Variants in NCEH1 observed in about 807,000 individuals in gnomAD.
NCEH1 encodes 2-acetyl MAGE hydrolase.
A neutral mutation model predicts 25.4 loss-of-function variants in NCEH1; 9 were observed. The ratio of observed to expected loss-of-function variants is 0.35; its 90% CI spans 0.21 to 0.62. NCEH1 has a LOEUF of 0.62. NCEH1 is among the 20% of genes least tolerant of loss of function. The pLI is 0.72. For missense variants in NCEH1, 412 were observed against 501.1 expected, an observed-to-expected ratio of 0.82 and a Z score of 1.70; for synonymous variants, 200 against 199.8, an observed-to-expected ratio of 1.00 and a Z score of -0.01.
At chr3:172,701,620 T>G (rs1459865445) in intron 1 of NCEH1, among the ~76,000 whole-genome samples, 43 of 83,484 alleles carry the variant, frequency 5.2e-4, no homozygotes, top group African/African-American at 2.0e-3. Context: ...CAGCTAGTTT[T>G]TTTTTTTTTT....
intron 1 of NCEH1, among the ~76,000 whole-genome samples, chr3:172,684,240 C>T (rs1268110825): frequency 6.6e-6 from 1 of 152,130 alleles, no homozygotes; most frequent in Non-Finnish European, 1.5e-5. Flanking sequence ...AAGGAATGTC[C>T]GTAATCACTT....
chr3:172,656,414 T>C (rs1042022113), intron 1 of NCEH1, among the ~76,000 whole-genome samples: 1 of 152,206 alleles, frequency 6.6e-6, no homozygotes, highest in Non-Finnish European at 1.5e-5. Context: ...TGAGAAGATA[T>C]ATCTCTAAAT....
chr3:172,641,520 T>A (rs1240232876), intron 3 of NCEH1, among the ~76,000 whole-genome samples: 1 of 152,082 alleles, frequency 6.6e-6, no homozygotes, highest in East Asian at 1.9e-4. Flanking sequence ...CCCAGTGCCA[T>A]AATCCACATG....
At chr3:172,707,930 T>G (rs1163357784) in intron 1 of NCEH1, among the ~76,000 whole-genome samples, 1 of 152,232 alleles carries the variant, frequency 6.6e-6, no homozygotes, top group African/African-American at 2.4e-5. Flanking sequence ...CTCCCAGAGA[T>G]TCTAAGTAAG....
In NCEH1 at chr3:172,633,829, G is replaced by A; in HGVS notation, c.873C>T (p.Leu291=). The change falls in exon 5 of 5, where the codon CTC becomes CTT. Residue 291 remains leucine, a synonymous_variant. Transcript: ENST00000475381. ...AGTTCTTTGTGAAGGATGCAGGCAA[G>A]AGGGATGTCCAGTTTAGACGGGCCC... The part of the protein sequence containing the change: ...AVRARLNWTS[L]LPASFTKNYK... The A allele has an allele frequency of 6.2e-7, 1 of 1,614,240 alleles. No homozygotes were observed. The highest frequency in any genetic ancestry group is 1.1e-5 in the South Asian group (1 of 91,086).
chr3:172,688,637 T>C (rs1482924702), intron 1 of NCEH1, among the ~76,000 whole-genome samples: 1 of 152,220 alleles, frequency 6.6e-6, no homozygotes, highest in African/African-American at 2.4e-5. Context: ...TTTTAATATC[T>C]TTATATGAAA....
rs545955779 is a variant in NCEH1 at position 172,691,586 on chromosome 3, A to G, written c.138+19261T>C. On this transcript the variant is annotated intron_variant, in intron 1 of 4. Transcript: ENST00000475381. ...TCCAGAGCTTTCAGCCAGGCAGTGG[A>G]GATGGAATTACTTAGGAGTAATTAA... is the stretch of plus-strand genomic sequence containing the variant. Among the ~76,000 whole-genome samples, 29 of 152,418 alleles carry G rather than the reference A, an allele frequency of 1.9e-4. No homozygotes were observed. The South Asian group carries it at 5.2e-3, about 27-fold the overall frequency.
At chr3:172,685,778 C>T (rs1712664102) in intron 1 of NCEH1, among the ~76,000 whole-genome samples, 1 of 152,142 alleles carries the variant, frequency 6.6e-6, no homozygotes, top group African/African-American at 2.4e-5. Flanking sequence ...AAATCCTCAC[C>T]ACGTGCAACC....
intron 1 of NCEH1, among the ~76,000 whole-genome samples, chr3:172,706,396 T>C (rs1226961370): frequency 6.6e-6 from 1 of 152,186 alleles, no homozygotes; most frequent in Non-Finnish European, 1.5e-5. Flanking sequence ...GTACAAATCT[T>C]TTGCAAGTCA....
At chr3:172,688,163 C>G (rs1007460010) in intron 1 of NCEH1, among the ~76,000 whole-genome samples, 4 of 151,542 alleles carry the variant, frequency 2.6e-5, no homozygotes, top group African/African-American at 9.7e-5. Context: ...GGTGAAACCC[C>G]GTCTCTACTA....
chr3:172,706,510 T>C (rs1714001759), intron 1 of NCEH1, among the ~76,000 whole-genome samples: 1 of 149,972 alleles, frequency 6.7e-6, no homozygotes, highest in Non-Finnish European at 1.5e-5. Flanking sequence ...TTTTTTTTTT[T>C]TTTTTTTTGA....
chr3:172,701,743 T>C (rs1437615629), intron 1 of NCEH1, among the ~76,000 whole-genome samples: 3 of 151,766 alleles, frequency 2.0e-5, no homozygotes, highest in South Asian at 2.1e-4. Flanking sequence ...GGATTACAGT[T>C]GTAAGCGACC....
chr3:172,700,159 C>CGTAT (rs1713599967), intron 1 of NCEH1, among the ~76,000 whole-genome samples: 1 of 152,068 alleles, frequency 6.6e-6, no homozygotes, highest in Non-Finnish European at 1.5e-5. Context: ...TATAACTATA[C>CGTAT]AGAGTTGAAT....
chr3:172,688,519 T>A (rs571629716), intron 1 of NCEH1, among the ~76,000 whole-genome samples: 21 of 152,088 alleles, frequency 1.4e-4, no homozygotes, highest in Admixed American at 1.3e-3. Flanking sequence ...TTGGGGGAAA[T>A]AACAAAAGAA....
chr3:172,636,189 G>T, intron 3 of NCEH1, 102 bp from the exon 4 acceptor site: 1 of 639,584 alleles, frequency 1.6e-6, no homozygotes, highest in Non-Finnish European at 2.6e-6. Context: ...AAATAGATAA[G>T]AAATTAATTC....
intron 1 of NCEH1, among the ~76,000 whole-genome samples, chr3:172,696,389 T>C (rs1309388321): frequency 2.0e-5 from 3 of 152,222 alleles, no homozygotes; most frequent in Non-Finnish European, 4.4e-5. Flanking sequence ...ATTACCTTTG[T>C]AGTTTAGTGT....
chr3:172,692,202 G>A (rs897572893), intron 1 of NCEH1, among the ~76,000 whole-genome samples: 1 of 152,058 alleles, frequency 6.6e-6, no homozygotes, highest in Non-Finnish European at 1.5e-5. Flanking sequence ...GATACAGCAA[G>A]AAAGACAGAC....
At position 172,632,344 on chromosome 3, in the gene NCEH1, T is replaced by A. The variant is rs907627045; in HGVS notation, c.*1131A>T. ...GTTTTAAAACCCTAAGGCAGTTTTT[T>A]AAAAAATACCATTGTTTTTAATATT... On this transcript the variant is annotated 3_prime_UTR_variant, in exon 5 of 5. Coordinates refer to ENST00000475381, the MANE Select transcript of NCEH1 (RefSeq NM_020792.6). 7.2e-5 allele frequency: 11 copies of A among 152,456 alleles called. No homozygotes were observed. Among genetic ancestry groups the A allele is most frequent in the East Asian group, 5.8e-4 (3 of 5,184 alleles). The allele number at this position is 152,456 out of a possible 1,614,324, so 9.4% of individuals were successfully genotyped here. A position where few individuals can be genotyped will look rare whatever the true frequency, so the allele number is the denominator to read the frequency against.
At chr3:172,682,546 T>G (rs943387804) in intron 1 of NCEH1, among the ~76,000 whole-genome samples, 2 of 152,198 alleles carry the variant, frequency 1.3e-5, no homozygotes, top group Non-Finnish European at 2.9e-5. Flanking sequence ...ACTGGATATG[T>G]CAGCCTCTTT....
Sources: gnomAD v4.1 joint callset for allele counts (sites outside exome capture counted in the v4.1 genomes callset) on GRCh38, gnomAD v4.1.1 for gene constraint, MANE v1.5 for transcripts, NCBI Gene and HGNC (gene_info 2026-07-23, HGNC 2026-07-21) for gene names.